Variants in RNF157 observed in about 807,000 individuals in gnomAD.
RNF157 encodes E3 ubiquitin ligase RNF157.
Under a neutral mutation model 88.3 loss-of-function variants are expected in RNF157, and 55 were observed. The ratio of observed to expected loss-of-function variants is 0.62; its 90% CI spans 0.50 to 0.78. RNF157 has a LOEUF of 0.78. Ranked by LOEUF, RNF157 falls within the 30% of genes least tolerant of loss-of-function variation. RNF157 has a pLI of 0.00. For synonymous variants in RNF157, 334 were observed against 341.2 expected, an observed-to-expected ratio of 0.98 and a Z score of 0.23; for missense variants, 788 against 860.8, an observed-to-expected ratio of 0.92 and a Z score of 1.06.
chr17:76,204,634 T>C (rs1189506394), intron 2 of RNF157, among the ~76,000 whole-genome samples: 1 of 152,192 alleles, frequency 6.6e-6, no homozygotes, highest in African/African-American at 2.4e-5. Flanking sequence ...TACTACCAAG[T>C]TCCTTTAAAT....
intron 3 of RNF157, among the ~76,000 whole-genome samples, chr17:76,171,531 G>A (rs981523298): frequency 1.3e-5 from 2 of 152,150 alleles, no homozygotes; most frequent in Non-Finnish European, 2.9e-5. Flanking sequence ...ACTTAATGGG[G>A]TTTTCAGAGG....
At chr17:76,227,605 T>C (rs35036329) in intron 1 of RNF157, among the ~76,000 whole-genome samples, 4,251 of 151,750 alleles carry the variant, frequency 0.028, 83 homozygotes, top group Non-Finnish European at 0.045. Flanking sequence ...TGGCCCGGCA[T>C]GGTGGCTCAC....
In RNF157 at chr17:76,143,100, C is replaced by T. The variant is rs1447187494; in HGVS notation, c.*2135G>A. On this transcript the variant is annotated 3_prime_UTR_variant, in exon 19 of 19. Coordinates refer to ENST00000269391, the MANE Select transcript of RNF157 (RefSeq NM_052916.3). ...GTGGGCCAGAGAGCTAAATGACAGCCAAGAGAAGGCAGGGGGAGGGAGGAA... is the reference window on the plus strand; with the variant it reads ...GTGGGCCAGAGAGCTAAATGACAGCTAAGAGAAGGCAGGGGGAGGGAGGAA... 6.6e-6 allele frequency: 1 copy of T among 152,440 alleles called. No homozygotes were observed. The highest frequency in any genetic ancestry group is 2.4e-5 in the African/African-American group (1 of 41,434). 9.4% of individuals were successfully genotyped at this position (152,440 alleles called of 1,614,324 possible).
At chr17:76,175,136 C>T (rs941996055) in intron 2 of RNF157, among the ~76,000 whole-genome samples, 2 of 152,150 alleles carry the variant, frequency 1.3e-5, no homozygotes, top group African/African-American at 2.4e-5. Flanking sequence ...ACTGAACATA[C>T]TATTTTGCAG....
chr17:76,202,128 T>TCTCTCACACACA (rs1250661867), intron 2 of RNF157, among the ~76,000 whole-genome samples: 7 of 134,662 alleles, frequency 5.2e-5, no homozygotes, highest in East Asian at 2.1e-4. Flanking sequence ...TCTCTCTCTC[T>TCTCTCACACACA]CACACACACA....
At chr17:76,222,471 A>T (rs2070002485) in intron 1 of RNF157, among the ~76,000 whole-genome samples, 1 of 152,190 alleles carries the variant, frequency 6.6e-6, no homozygotes, top group Non-Finnish European at 1.5e-5. Flanking sequence ...CCTCAATTTT[A>T]AAAAATCACA....
At chr17:76,226,695 C>T (rs771550886) in intron 1 of RNF157, 92 of 1,611,984 alleles carry the variant, frequency 5.7e-5, no homozygotes, top group Non-Finnish European at 7.3e-5. Flanking sequence ...GCCACCTCCA[C>T]GTAGTCATCT....
rs145613557 is a variant in RNF157 at position 76,158,480 on chromosome 17, G to T, written c.1326C>A (p.Ser442=). 5.0e-6 allele frequency: 8 copies of T among 1,613,320 alleles called. No homozygotes were observed. Among genetic ancestry groups the T allele is most frequent in the Non-Finnish European group, 6.8e-6 (8 of 1,179,430 alleles). Residue 442 remains serine, a synonymous_variant, in exon 13 of 19, where the codon TCC becomes TCA. Transcript: ENST00000269391. ...SLSKSTSQNS[S]VLHEEEDEHS... is the part of the protein sequence containing the mutation. Reference sequence around the variant, plus strand: ...GCTCATCTTCCTCTTCATGCAGCACGGAAGAGTTTTGGGAAGTGGATCTGT... The same window carrying T: ...GCTCATCTTCCTCTTCATGCAGCACTGAAGAGTTTTGGGAAGTGGATCTGT...
chr17:76,224,733 A>C (rs1245885308), intron 1 of RNF157, among the ~76,000 whole-genome samples: 1 of 148,108 alleles, frequency 6.8e-6, no homozygotes, highest in Non-Finnish European at 1.5e-5. Flanking sequence ...AAAAAAAAAG[A>C]AAGAAACTGC....
At position 76,167,865 on chromosome 17, in the gene RNF157, A is replaced by T; in HGVS notation, c.297-68T>A. 3 of 1,459,532 alleles carry T rather than the reference A, an allele frequency of 2.1e-6. No individual in the cohort carries two copies. In the South Asian group the frequency reaches 3.8e-5, roughly 18 times the overall value. The allele number at this position is 1,459,532 out of a possible 1,614,324, so 90.4% of individuals were successfully genotyped here. On this transcript the variant is annotated intron_variant, in intron 3 of 18. Transcript: ENST00000269391. ...TATTTTAAAATTTACCTTTAAAAAA[A>T]TTAGCAATATATTGTGGGCTTCTCT... is the stretch of plus-strand genomic sequence containing the variant.
intron 2 of RNF157, among the ~76,000 whole-genome samples, chr17:76,211,454 C>G (rs1360319105): frequency 2.6e-5 from 4 of 152,180 alleles, no homozygotes; most frequent in Non-Finnish European, 4.4e-5. Context: ...TTCCTGTTTT[C>G]TGTGTTTTGT....
intron 14 of RNF157, 25 bp from the exon 15 acceptor site, chr17:76,155,759 G>A (rs1317715049): frequency 6.6e-7 from 1 of 1,505,210 alleles, no homozygotes; most frequent in African/African-American, 1.4e-5. Context: ...GATGGGGAAA[G>A]GAGCCTGGAG....
At chr17:76,227,812 G>A (rs2070119474) in intron 1 of RNF157, among the ~76,000 whole-genome samples, 1 of 152,116 alleles carries the variant, frequency 6.6e-6, no homozygotes. Flanking sequence ...GGGAGGCAGA[G>A]GTTGCGGTGA....
chr17:76,189,071 A>G (rs1158772347), intron 2 of RNF157, among the ~76,000 whole-genome samples: 1 of 152,246 alleles, frequency 6.6e-6, no homozygotes, highest in Non-Finnish European at 1.5e-5. Context: ...TTGAGAAACT[A>G]GCACACATTG....
intron 1 of RNF157, among the ~76,000 whole-genome samples, chr17:76,218,419 T>C (rs550675108): frequency 2.6e-5 from 4 of 152,166 alleles, no homozygotes; most frequent in Admixed American, 2.6e-4. Flanking sequence ...GGCAGGAGGA[T>C]TGCTTGAGCC....
rs776916706 is a variant in RNF157 at position 76,155,622 on chromosome 17, C to T, written c.1638G>A (p.Glu546=). The T allele has an allele frequency of 2.6e-5, 42 of 1,613,696 alleles. No individual in the cohort carries two copies. Among genetic ancestry groups the T allele is most frequent in the Non-Finnish European group, 3.2e-5 (38 of 1,179,934 alleles). ...GGGGGGAAGAGAGAGCCTCTCCCTC[C>T]TCTTCAGTGCCAGGGGCGATGTAGG... The part of the protein sequence containing the change: ...SGSYIAPGTE[E]EGEALSSPQP... Residue 546 remains glutamate (E), a synonymous_variant, in exon 15 of 19, where the codon GAG becomes GAA. Transcript: ENST00000269391.
intron 2 of RNF157, among the ~76,000 whole-genome samples, chr17:76,190,937 T>G (rs1023994414): frequency 1.3e-5 from 2 of 149,910 alleles, no homozygotes; most frequent in Non-Finnish European, 3.0e-5. Context: ...CACGGCTGAA[T>G]GCAGTGGCTC....
chr17:76,226,746 C>T lies in RNF157; in HGVS notation c.88+13407G>A, dbSNP rs187515891. ...TCTTCAGCCCCCAAACCCGACTGGT[C>T]GAAGGGGGACATCAAGTCCCCCACC... is the stretch of plus-strand genomic sequence containing the variant. On this transcript the variant is annotated intron_variant, in intron 1 of 18. Transcript: ENST00000269391. The T allele has an allele frequency of 1.9e-5, 31 of 1,597,970 alleles. No homozygotes were observed. The East Asian group carries it at 4.5e-4, about 23-fold the overall frequency.
chr17:76,205,377 T>C (rs1351817224), intron 2 of RNF157, among the ~76,000 whole-genome samples: 2 of 151,680 alleles, frequency 1.3e-5, no homozygotes, highest in Non-Finnish European at 2.9e-5. Context: ...CAAGTGATCC[T>C]CCCGCCTCAG....
Sources: allele counts gnomAD v4.1 joint callset (sites outside exome capture counted in the v4.1 genomes callset), GRCh38; gene constraint gnomAD v4.1.1; transcripts MANE v1.5; gene names NCBI Gene and HGNC (gene_info 2026-07-23, HGNC 2026-07-21).